PLPPR1: variants seen among roughly 807,000 people sequenced by gnomAD.
PLPPR1 encodes phospholipid phosphatase-related protein type 1.
A neutral mutation model predicts 33.1 loss-of-function variants in PLPPR1; 10 were observed. That is an observed-to-expected ratio of 0.30 (90% confidence interval 0.19 to 0.51). The LOEUF (loss-of-function observed/expected upper bound fraction) is 0.51. PLPPR1 is among the 20% of genes least tolerant of loss of function. The pLI is 0.97. For synonymous variants in PLPPR1, 151 were observed against 151.0 expected, an observed-to-expected ratio of 1.00 and a Z score of 0.00; for missense variants, 304 against 408.1, an observed-to-expected ratio of 0.74 and a Z score of 2.20.
intron 2 of PLPPR1, among the ~76,000 whole-genome samples, chr9:101,263,629 C>T (rs1002977514): frequency 2.4e-4 from 36 of 152,246 alleles, no homozygotes; most frequent in African/African-American, 8.4e-4. Flanking sequence ...ATTCTGCTGA[C>T]TTATATTTGT....
At chr9:101,141,131 A>G (rs988995347) in intron 1 of PLPPR1, among the ~76,000 whole-genome samples, 2 of 152,296 alleles carry the variant, frequency 1.3e-5, no homozygotes, top group African/African-American at 2.4e-5. Flanking sequence ...ATAAACATTA[A>G]TTACCAACCG....
rs1272145203 is a variant in PLPPR1 at position 101,325,068 on chromosome 9, G to A, written c.*1011G>A. 1 of 152,002 alleles carries A rather than the reference G, an allele frequency of 6.6e-6. No homozygotes were observed. The highest frequency in any genetic ancestry group is 1.5e-5 in the Non-Finnish European group (1 of 67,982). The allele number at this position is 152,002 out of a possible 1,614,324, so 9.4% of individuals were successfully genotyped here. Reference sequence around the variant, plus strand: ...ATGTTTTCTTGACACTTCCATGTTGGCTCTTCTCAGCTTTTTTTGTACATA... The same window carrying A: ...ATGTTTTCTTGACACTTCCATGTTGACTCTTCTCAGCTTTTTTTGTACATA... On this transcript the variant is annotated 3_prime_UTR_variant, in exon 8 of 8. Transcript: ENST00000374874.
chr9:101,083,883 C>A (rs1830649017), intron 1 of PLPPR1, among the ~76,000 whole-genome samples: 2 of 152,186 alleles, frequency 1.3e-5, no homozygotes, highest in African/African-American at 4.8e-5. Flanking sequence ...CTCATGAGAC[C>A]TCCACCTTGG....
rs372445643 is a variant in PLPPR1 at position 101,178,297 on chromosome 9, T to G, written c.-45-7153T>G. On this transcript the variant is annotated intron_variant, in intron 1 of 7. Coordinates refer to ENST00000374874, the MANE Select transcript of PLPPR1 (RefSeq NM_207299.2). ...AGGCTGACCTGGCTACTGCCACTGC[T>G]GAGTGCCCAATTTGCCAGCAGCAGA... Among the ~76,000 whole-genome samples the G allele has an allele frequency of 1.1e-3, 175 of 152,308 alleles. 1 individual carries two copies. Among genetic ancestry groups the G allele is most frequent in the African/African-American group, 4.0e-3 (165 of 41,568 alleles).
At chr9:101,164,633 G>A (rs951562116) in intron 1 of PLPPR1, among the ~76,000 whole-genome samples, 12 of 151,946 alleles carry the variant, frequency 7.9e-5, no homozygotes, top group African/African-American at 2.9e-4. Context: ...CTCCCAAAGT[G>A]CCAGGATTAC....
intron 2 of PLPPR1, among the ~76,000 whole-genome samples, chr9:101,261,081 C>T (rs924153834): frequency 1.3e-5 from 2 of 152,146 alleles, no homozygotes; most frequent in African/African-American, 4.8e-5. Context: ...TACATCATGT[C>T]ATTGTGTTAA....
chr9:101,283,851 C>A (rs151084727), intron 3 of PLPPR1, among the ~76,000 whole-genome samples: 3 of 151,842 alleles, frequency 2.0e-5, no homozygotes. Context: ...AGACAAAAGA[C>A]AAATGGCCAA....
intron 1 of PLPPR1, among the ~76,000 whole-genome samples, chr9:101,055,603 C>T (rs1304417609): frequency 1.3e-5 from 2 of 152,086 alleles, no homozygotes; most frequent in African/African-American, 4.8e-5. Flanking sequence ...AATCACTGGC[C>T]CTTAGTATTC....
chr9:101,258,466 T>C (rs927630597), intron 2 of PLPPR1, among the ~76,000 whole-genome samples: 3 of 152,190 alleles, frequency 2.0e-5, no homozygotes, highest in African/African-American at 7.2e-5. Context: ...CTGACTTCTA[T>C]TGTTTTACCA....
intron 2 of PLPPR1, among the ~76,000 whole-genome samples, chr9:101,246,848 C>T (rs983642351): frequency 6.6e-6 from 1 of 152,056 alleles, no homozygotes; most frequent in African/African-American, 2.4e-5. Flanking sequence ...GTGGTGCACA[C>T]ATCTGGGAGT....
chr9:101,055,718 T>A (rs1368850381), intron 1 of PLPPR1, among the ~76,000 whole-genome samples: 1 of 152,212 alleles, frequency 6.6e-6, no homozygotes, highest in African/African-American at 2.4e-5. Flanking sequence ...CATTCTCTCA[T>A]GTGGGAATTC....
chr9:101,251,358 G>C (rs1421637613), intron 2 of PLPPR1, among the ~76,000 whole-genome samples: 2 of 152,102 alleles, frequency 1.3e-5, no homozygotes, highest in Non-Finnish European at 2.9e-5. Flanking sequence ...AAGCTAGATA[G>C]AATGTTGTGA....
At chr9:101,183,843 A>G (rs1564168966) in intron 1 of PLPPR1, among the ~76,000 whole-genome samples, 1 of 151,696 alleles carries the variant, frequency 6.6e-6, no homozygotes, top group Non-Finnish European at 1.5e-5. Context: ...TTCTTTATTA[A>G]TTACATGGAG....
chr9:101,266,148 C>G (rs563626980), intron 2 of PLPPR1, among the ~76,000 whole-genome samples: 1 of 151,228 alleles, frequency 6.6e-6, no homozygotes, highest in Admixed American at 6.6e-5. Context: ...CAGGGAAGGC[C>G]GGGCGCGGTG....
intron 1 of PLPPR1, among the ~76,000 whole-genome samples, chr9:101,053,067 C>T (rs546909969): frequency 6.6e-6 from 1 of 152,294 alleles, no homozygotes; most frequent in African/African-American, 2.4e-5. Flanking sequence ...TATCTCCACT[C>T]AGAAGAGCCC....
intron 2 of PLPPR1, among the ~76,000 whole-genome samples, chr9:101,194,708 G>A (rs1024331093): frequency 5.3e-5 from 8 of 150,184 alleles, no homozygotes; most frequent in East Asian, 2.0e-4. Context: ...CCGAGATAGA[G>A]CGCCGTTGCA....
chr9:101,199,537 C>G (rs577665939), intron 2 of PLPPR1, among the ~76,000 whole-genome samples: 3 of 152,134 alleles, frequency 2.0e-5, no homozygotes, highest in Non-Finnish European at 4.4e-5. Flanking sequence ...TACTTTTTCT[C>G]CTGATGCATG....
intron 4 of PLPPR1, among the ~76,000 whole-genome samples, chr9:101,296,813 G>A (rs972827482): frequency 1.3e-5 from 2 of 151,190 alleles, no homozygotes; most frequent in African/African-American, 4.9e-5. Flanking sequence ...GGTGGAGCGG[G>A]GAGGGATAGC....
rs371387656 is a variant in PLPPR1 at position 101,232,553 on chromosome 9, G to C, written c.64-37327G>C. On this transcript the variant is annotated intron_variant, in intron 2 of 7. Coordinates refer to ENST00000374874, the MANE Select transcript of PLPPR1 (RefSeq NM_207299.2). ...AAAGAGTAACAAGCAATTTGTCCAA[G>C]GTCATAGGTCTAATGAGTAGCAGAG... Among the ~76,000 whole-genome samples the C allele has an allele frequency of 1.1e-4, 17 of 151,612 alleles. No homozygotes were observed. The South Asian group carries it at 3.5e-3, about 32-fold the overall frequency.
Sources: gnomAD v4.1 joint callset for allele counts (sites outside exome capture counted in the v4.1 genomes callset) on GRCh38, gnomAD v4.1.1 for gene constraint, MANE v1.5 for transcripts, NCBI Gene and HGNC (gene_info 2026-07-23, HGNC 2026-07-21) for gene names.